The following TSEN54 variants were observed in gnomAD, a reference collection of about 807,000 sequenced individuals.
TSEN54 encodes the protein tRNA splicing endonuclease subunit 54, also known as tRNA-splicing endonuclease subunit Sen54.
A neutral mutation model predicts 61.9 loss-of-function variants in TSEN54; 55 were observed. The ratio of observed to expected loss-of-function variants is 0.89; its 90% CI spans 0.72 to 1.11. The LOEUF is 1.11. Ranked by LOEUF, TSEN54 falls within the 50% of genes most tolerant of loss-of-function variation. The probability of loss-of-function intolerance (pLI) is 0.00; values close to 1 mark genes in which losing one functional copy is unlikely to be tolerated. For synonymous variants in TSEN54, 304 were observed against 288.7 expected (o/e 1.05, Z -0.54); for missense variants, 760 against 687.7 (o/e 1.11, Z -1.18).
intron 5 of TSEN54, 135 bp downstream of exon 5, chr17:75,517,790 C>A (rs1412138485): frequency 7.7e-6 from 6 of 782,730 alleles, no homozygotes; most frequent in Non-Finnish European, 1.3e-5. Flanking sequence ...TGTCACGAGG[C>A]TTACATTGTG....
In TSEN54 at chr17:75,524,505, T is replaced by C; in HGVS notation, c.*93T>C. 6.6e-7 allele frequency: 1 copy of C among 1,515,332 alleles called. No homozygotes were observed. The highest frequency in any genetic ancestry group is 9.1e-7 in the Non-Finnish European group (1 of 1,099,738). The allele number at this position is 1,515,332 out of a possible 1,614,324, so 93.9% of individuals were successfully genotyped here. A position where few individuals can be genotyped will look rare whatever the true frequency, so the allele number is the denominator to read the frequency against. ...TCGGCTGCCTCCTGTACCCAGACTC[T>C]AACCTGTAGCTTCAGAGGCCAGTCT... On this transcript the variant is annotated 3_prime_UTR_variant, in exon 11 of 11. Transcript: ENST00000333213.
At position 75,523,355 on chromosome 17, in the gene TSEN54, C is replaced by G. The variant is rs375520204; in HGVS notation, c.1313+20C>G. 1 of 1,613,748 alleles carries G rather than the reference C, an allele frequency of 6.2e-7. No homozygotes were observed. Among genetic ancestry groups the G allele is most frequent in the Admixed American group, 1.7e-5 (1 of 59,972 alleles). Reference sequence around the variant, plus strand: ...TGCCCGGTAAGTTTCCAAGCAGTGCCGTCTCTGCAGTACCTTGACCGCCAG... The same window carrying G: ...TGCCCGGTAAGTTTCCAAGCAGTGCGGTCTCTGCAGTACCTTGACCGCCAG... On this transcript the variant is annotated intron_variant, in intron 9 of 10. Transcript: ENST00000333213.
chr17:75,522,990 G>T (rs778973936), intron 8 of TSEN54: 16 of 419,366 alleles, frequency 3.8e-5, no homozygotes, highest in Non-Finnish European at 7.2e-5. Flanking sequence ...AGACCAACCT[G>T]GGCAACATGG....
chr17:75,516,691 C>T (rs1337597235), intron 1 of TSEN54, 55 bp from the exon 2 acceptor site: 3 of 1,325,864 alleles, frequency 2.3e-6, no homozygotes, highest in East Asian at 3.1e-5. Context: ...CGCCCGGGAC[C>T]CGGCCAGGCG....
chr17:75,523,445 C>T, intron 9 of TSEN54, 110 bp downstream of exon 9: 1 of 1,605,858 alleles, frequency 6.2e-7, no homozygotes, highest in Non-Finnish European at 8.5e-7. Flanking sequence ...CCAGGGACTC[C>T]TACCCCTACG....
In TSEN54 at chr17:75,524,416, C is replaced by T; in HGVS notation, c.*4C>T. ...GCCCCAGGATGTGGGGCACTGACCTCACAGCTCTGCAGAGGATGGAGCTTG... is the reference window on the plus strand; with the variant it reads ...GCCCCAGGATGTGGGGCACTGACCTTACAGCTCTGCAGAGGATGGAGCTTG... On this transcript the variant is annotated 3_prime_UTR_variant, in exon 11 of 11. Coordinates refer to ENST00000333213, the MANE Select transcript of TSEN54 (RefSeq NM_207346.3). The T allele has an allele frequency of 1.2e-6, 2 of 1,614,092 alleles. No homozygotes were observed. Among genetic ancestry groups the T allele is most frequent in the Non-Finnish European group, 1.7e-6 (2 of 1,180,016 alleles).
intron 8 of TSEN54, 23 bp downstream of exon 8, chr17:75,522,356 C>T: frequency 1.3e-6 from 2 of 1,543,048 alleles, no homozygotes; most frequent in African/African-American, 1.4e-5. Context: ...CCTGCCACAT[C>T]TTCGAGGGCC....
chr17:75,517,207 G>A lies in TSEN54; in HGVS notation c.332G>A (p.Arg111His). 1 of 1,605,574 alleles carries A rather than the reference G, an allele frequency of 6.2e-7. No individual in the cohort carries two copies. Among genetic ancestry groups the A allele is most frequent in the Non-Finnish European group, 8.5e-7 (1 of 1,176,316 alleles). Residue 111 changes from arginine (R) to histidine (H), a missense_variant, in exon 4 of 11, where the codon CGC becomes CAC. Around this residue, in one of 3 missense-constraint regions of TSEN54, gnomAD observed 667 missense variants for 577.8 expected, o/e 1.15. Transcript: ENST00000333213. ...TMGFSEQGRQRLHPEEALYLL... is the reference protein window; with the variant it reads ...TMGFSEQGRQHLHPEEALYLL... ...GGCTTCTCAGAGCAGGGCCGGCAGC[G>A]CCTTCACCCGGAAGAGGCCTTGTAT...
rs1009920458 is a variant in TSEN54, at chr17:75,523,852, G to C, written c.1430+73G>C. ...CCTGTGAACCAAGTGGGACTCCTCTGTACTCCCCTGGCCAGCGTGCCAATC... is the reference window on the plus strand; with the variant it reads ...CCTGTGAACCAAGTGGGACTCCTCTCTACTCCCCTGGCCAGCGTGCCAATC... On this transcript the variant is annotated intron_variant, in intron 10 of 10. Transcript: ENST00000333213. 2.6e-6 allele frequency: 4 copies of C among 1,510,996 alleles called. No homozygotes were observed. In the African/African-American group the frequency reaches 4.1e-5, roughly 16 times the overall value. The allele number at this position is 1,510,996 out of a possible 1,614,324, so 93.6% of individuals were successfully genotyped here. A position where few individuals can be genotyped will look rare whatever the true frequency, so the allele number is the denominator to read the frequency against.
rs1436869073 is a variant in TSEN54, at chr17:75,523,762, C to G, written c.1413C>G (p.Ala471=). 1.2e-6 allele frequency: 2 copies of G among 1,613,832 alleles called. No individual in the cohort carries two copies. The highest frequency in any genetic ancestry group is 1.3e-5 in the African/African-American group (1 of 74,902). Residue 471 remains alanine, a synonymous_variant, in exon 10 of 11, where the codon GCC becomes GCG. Transcript: ENST00000333213. ...AGAATAACCCTGGCAAACCCTATGC[C>G]CGGATGTGCATTAGTGGGTACGCAG... ...FRKNNPGKPY[A]RMCISGFDEP... is the part of the protein sequence containing the mutation.
At chr17:75,516,683 C>G in intron 1 of TSEN54, 63 bp from the exon 2 acceptor site, 1 of 1,307,138 alleles carries the variant, frequency 7.7e-7, no homozygotes, top group Non-Finnish European at 9.7e-7. Context: ...GAAACCGGCG[C>G]CCGGGACCCG....
rs1179247981 is a variant in TSEN54 at position 75,517,041 on chromosome 17, A to T, written c.254A>T (p.Glu85Val). The T allele has an allele frequency of 1.9e-6, 3 of 1,596,388 alleles. No individual in the cohort carries two copies. The African/African-American group carries it at 4.0e-5, about 21-fold the overall frequency. The change falls in exon 3 of 11, where the codon GAA (glutamate) becomes GTA (valine). Residue 85 changes from glutamate (E) to valine (V), a missense_variant. Glu to Val is a moderately radical substitution (Grantham distance 121, BLOSUM62 -2). Transcript: ENST00000333213. ...TTGGTGGCTGCCGAGTGGAGGCCAG[A>T]AGAGGGCTTCGTGGAGTTGAAGTCT... ...GSLVAAEWRP[E>V]EGFVELKSPA...
At position 75,523,683 on chromosome 17, in the gene TSEN54, G is replaced by A. The variant is rs940043663; in HGVS notation, c.1334G>A (p.Gly445Asp). 2.5e-6 allele frequency: 4 copies of A among 1,614,044 alleles called. No homozygotes were observed. In the African/African-American group the frequency reaches 4.0e-5, roughly 16 times the overall value. ...GGARLLEKSG[G>D]LEIIFDVYQA... Reference sequence around the variant, plus strand: ...GTCAGGCTGTTGGAGAAGTCTGGGGGCTTGGAAATCATCTTTGATGTTTAC... The same window carrying A: ...GTCAGGCTGTTGGAGAAGTCTGGGGACTTGGAAATCATCTTTGATGTTTAC... The change falls in exon 10 of 11, where the codon GGC becomes GAC. Residue 445 changes from glycine to aspartate, a missense_variant. Gly to Asp is a moderately conservative substitution (Grantham distance 94, BLOSUM62 -1). Coordinates refer to ENST00000333213, the MANE Select transcript of TSEN54 (RefSeq NM_207346.3).
rs1396049301 is a variant in TSEN54 at position 75,521,782 on chromosome 17, G to A, written c.701G>A (p.Cys234Tyr). Residue 234 changes from cysteine (C) to tyrosine (Y), a missense_variant, in exon 8 of 11, where the codon TGC becomes TAC. Physicochemically the swap from Cys to Tyr is radical, Grantham distance 194. Transcript: ENST00000333213. The stretch of plus-strand genomic sequence containing the variant: ...CTGGCAGCCTCCAGCCCACCTCCCT[G>A]CAGCCAGCCCAGCCAATGCCCAGAG... ...KSLAASSPPP[C>Y]SQPSQCPEEK... 1.9e-6 allele frequency: 3 copies of A among 1,612,796 alleles called. No homozygotes were observed. The highest frequency in any genetic ancestry group is 1.1e-5 in the South Asian group (1 of 91,086).
chr17:75,523,243 T>TC (rs1425077337), intron 8 of TSEN54, 32 bp from the exon 9 acceptor site: 3 of 1,613,852 alleles, frequency 1.9e-6, no homozygotes, highest in Admixed American at 3.3e-5. Flanking sequence ...GTGACTCCCC[T>TC]CCCCAGTACC....
chr17:75,517,482 A>G, intron 4 of TSEN54, 75 bp from the exon 5 acceptor site: 1 of 1,373,100 alleles, frequency 7.3e-7, no homozygotes. Context: ...GAGGTATCAG[A>G]GCTGGGAAGT....
intron 8 of TSEN54, chr17:75,522,828 A>T (rs1225646324): frequency 3.8e-6 from 1 of 266,176 alleles, no homozygotes; most frequent in Admixed American, 5.0e-5. Flanking sequence ...CTTTCAGTAT[A>T]ATTTTTCAGT....
intron 5 of TSEN54, chr17:75,518,721 G>A: frequency 1.0e-6 from 1 of 985,428 alleles, no homozygotes; most frequent in Non-Finnish European, 1.2e-6. Flanking sequence ...TCAGGGCGTG[G>A]TGGTTTTCTG....
rs1038114758 is a variant in TSEN54 at position 75,517,351 on chromosome 17, C to G, written c.369+107C>G. ...AACCCGGTCTTTAGAGAACTGATAA[C>G]CAAACTTCTAAAGCAGGAGGTGGTA... On this transcript the variant is annotated intron_variant, in intron 4 of 10. Coordinates refer to ENST00000333213, the MANE Select transcript of TSEN54 (RefSeq NM_207346.3). 3.6e-6 allele frequency: 5 copies of G among 1,371,044 alleles called. No homozygotes were observed. The African/African-American group carries it at 4.3e-5, about 12-fold the overall frequency. 84.9% of individuals were successfully genotyped at this position (1,371,044 alleles called of 1,614,324 possible).
Sources: allele counts gnomAD v4.1 joint callset, GRCh38; gene constraint gnomAD v4.1.1; regional missense constraint gnomAD v4.1.1; transcripts MANE v1.5; gene names NCBI Gene and HGNC (gene_info 2026-07-23, HGNC 2026-07-21).